IMPG1: variants seen among roughly 807,000 people sequenced by gnomAD.
IMPG1 encodes interphotoreceptor matrix proteoglycan 1.
A neutral mutation model predicts 92.0 loss-of-function variants in IMPG1; 85 were observed. The ratio of observed to expected loss-of-function variants is 0.92; its 90% CI spans 0.78 to 1.11. IMPG1 has a LOEUF of 1.11. IMPG1 is among the 50% of genes least tolerant of loss of function. The probability of loss-of-function intolerance (pLI) is 0.00; values close to 1 mark genes in which losing one functional copy is unlikely to be tolerated. For synonymous variants in IMPG1, 367 were observed against 334.1 expected (o/e 1.10, Z -1.08); for missense variants, 1,022 against 956.0 (o/e 1.07, Z -0.91).
intron 5 of IMPG1, among the ~76,000 whole-genome samples, chr6:76,022,841 A>G (rs1783456787): frequency 6.6e-6 from 1 of 152,236 alleles, no homozygotes; most frequent in African/African-American, 2.4e-5. Flanking sequence ...ATAAATTATT[A>G]TTTAAAAAAA....
chr6:75,967,621 C>T (rs1406575895), intron 12 of IMPG1, among the ~76,000 whole-genome samples: 1 of 151,976 alleles, frequency 6.6e-6, no homozygotes, highest in African/African-American at 2.4e-5. Flanking sequence ...GAAGACACCC[C>T]TCAAGAAAGA....
chr6:75,965,546 CATTTTCTA>C (rs1405095504), intron 12 of IMPG1, among the ~76,000 whole-genome samples: 2 of 148,430 alleles, frequency 1.3e-5, no homozygotes, highest in Non-Finnish European at 3.0e-5. Context: ...ATCTTTTGCT[CATTTTCTA>C]CTGGAATTTT....
intron 14 of IMPG1, among the ~76,000 whole-genome samples, chr6:75,937,067 C>A (rs1781759115): frequency 6.6e-6 from 1 of 152,008 alleles, no homozygotes; most frequent in African/African-American, 2.4e-5. Flanking sequence ...TCCCAGGAGG[C>A]AAAGGGCCAG....
At chr6:75,997,098 G>T (rs1356877692) in intron 12 of IMPG1, among the ~76,000 whole-genome samples, 1 of 152,162 alleles carries the variant, frequency 6.6e-6, no homozygotes, top group Non-Finnish European at 1.5e-5. Flanking sequence ...AAAGAACTTT[G>T]ATTCACTTTT....
rs779416022 is a variant in IMPG1, at chr6:76,034,680, G to T, written c.409C>A (p.Leu137Ile). 4 of 1,614,122 alleles carry T rather than the reference G, an allele frequency of 2.5e-6. No individual in the cohort carries two copies. The highest frequency in any genetic ancestry group is 1.1e-5 in the South Asian group (1 of 91,082). Residue 137 changes from leucine to isoleucine, a missense_variant, in exon 3 of 17, where the codon CTC becomes ATC. By Grantham distance (5) the Leu-to-Ile change is conservative. Transcript: ENST00000369950. Reference protein sequence around the residue: ...VSICQQETFCLFDIGKNFSNS... With the variant: ...VSICQQETFCIFDIGKNFSNS... ...CTGAAGTTTTTTCCAATGTCAAAGA[G>T]GCAGAAGGTCTCCTGCTGGCAGATG... is the stretch of plus-strand genomic sequence containing the variant.
At chr6:75,925,669 A>ATTTG (rs10639432) in intron 15 of IMPG1, among the ~76,000 whole-genome samples, 3,921 of 150,834 alleles carry the variant, frequency 0.026, 174 homozygotes, top group African/African-American at 0.091. Flanking sequence ...TGTGTTTTTT[A>ATTTG]TTTGTTTGTT....
intron 7 of IMPG1, among the ~76,000 whole-genome samples, chr6:76,013,523 AAGTC>A (rs1783229140): frequency 6.6e-6 from 1 of 152,006 alleles, no homozygotes; most frequent in South Asian, 2.1e-4. Flanking sequence ...TAGAGCCCCA[AAGTC>A]AGGTTCAATT....
intron 8 of IMPG1, 78 bp downstream of exon 8, chr6:76,011,088 T>C: frequency 2.5e-6 from 2 of 799,064 alleles, no homozygotes; most frequent in South Asian, 1.6e-5. Context: ...GACCTTATAA[T>C]CCTTATGGCA....
chr6:75,987,790 G>A (rs958116177), intron 12 of IMPG1, among the ~76,000 whole-genome samples: 72 of 151,786 alleles, frequency 4.7e-4, no homozygotes, highest in Middle Eastern at 3.4e-3. Context: ...GACTGCAGGC[G>A]CCCACCACAA....
At chr6:75,976,988 G>T (rs1782547955) in intron 12 of IMPG1, among the ~76,000 whole-genome samples, 2 of 152,004 alleles carry the variant, frequency 1.3e-5, no homozygotes, top group South Asian at 4.1e-4. Context: ...GGCCTTGAAT[G>T]GGTGTGTTTG....
chr6:75,956,275 C>G (rs1230873835), intron 12 of IMPG1, among the ~76,000 whole-genome samples: 6 of 152,152 alleles, frequency 3.9e-5, no homozygotes, highest in African/African-American at 1.4e-4. Context: ...AATTTCAGAA[C>G]TTGTTATTGG....
chr6:75,957,233 T>C (rs890594758), intron 12 of IMPG1, among the ~76,000 whole-genome samples: 1 of 152,248 alleles, frequency 6.6e-6, no homozygotes, highest in Admixed American at 6.5e-5. Context: ...GTGAGTTTCT[T>C]AATCCTGAGT....
chr6:75,996,860 C>T (rs192206575), intron 12 of IMPG1, among the ~76,000 whole-genome samples: 2 of 152,234 alleles, frequency 1.3e-5, no homozygotes, highest in Admixed American at 1.3e-4. Context: ...TTATGGAAAT[C>T]TAGACTGTTC....
chr6:76,024,454 A>G (rs1345763456), intron 5 of IMPG1, among the ~76,000 whole-genome samples: 3 of 152,188 alleles, frequency 2.0e-5, no homozygotes, highest in Non-Finnish European at 4.4e-5. Flanking sequence ...AATTTCAAAC[A>G]TCTAATAAAC....
In IMPG1 at chr6:75,950,600, G is replaced by A. The variant is rs1216014578; in HGVS notation, c.1786C>T (p.Leu596=). The A allele has an allele frequency of 1.2e-6, 2 of 1,613,218 alleles. No homozygotes were observed. Among genetic ancestry groups the A allele is most frequent in the African/African-American group, 1.3e-5 (1 of 74,916 alleles). Residue 596 remains leucine, a synonymous_variant, in exon 13 of 17, where the codon CTG becomes TTG. Coordinates refer to ENST00000369950, the MANE Select transcript of IMPG1 (RefSeq NM_001563.4). The part of the protein sequence containing the change: ...FSNDLFNKSS[L]EYRALEQQFT... ...TGTTGCTCCAGAGCTCGGTACTCCA[G>A]AGAGCTCTTGTTGAACAGGTCGTTG...
At chr6:76,054,157 A>G (rs1291514470) in intron 1 of IMPG1, among the ~76,000 whole-genome samples, 1 of 152,128 alleles carries the variant, frequency 6.6e-6, no homozygotes, top group Non-Finnish European at 1.5e-5. Context: ...TTCCAACACT[A>G]TAGTTTTTGA....
intron 12 of IMPG1, among the ~76,000 whole-genome samples, chr6:75,964,153 G>T (rs1782260979): frequency 6.6e-6 from 1 of 152,184 alleles, no homozygotes; most frequent in South Asian, 2.1e-4. Flanking sequence ...AATGCATATA[G>T]TTCTGGGCAT....
At chr6:76,000,723 T>C (rs1782972305) in intron 12 of IMPG1, among the ~76,000 whole-genome samples, 1 of 152,128 alleles carries the variant, frequency 6.6e-6, no homozygotes, top group South Asian at 2.1e-4. Context: ...AATTGATCAA[T>C]TAGGAAGTCA....
At chr6:75,960,129 A>T (rs1435948102) in intron 12 of IMPG1, among the ~76,000 whole-genome samples, 8 of 152,064 alleles carry the variant, frequency 5.3e-5, no homozygotes, top group Non-Finnish European at 4.4e-5. Flanking sequence ...TAGTTGCCCA[A>T]CTTCTTGTGC....
Sources: gnomAD v4.1 joint callset for allele counts (sites outside exome capture counted in the v4.1 genomes callset) on GRCh38, gnomAD v4.1.1 for gene constraint, MANE v1.5 for transcripts, NCBI Gene and HGNC (gene_info 2026-07-23, HGNC 2026-07-21) for gene names.